The following DUSP28 variants were observed in gnomAD, a reference collection of about 807,000 sequenced individuals.
The protein encoded by DUSP28 is dual specificity phosphatase 28.
Under a neutral mutation model 8.4 loss-of-function variants are expected in DUSP28, and 11 were observed. The ratio of observed to expected loss-of-function variants is 1.31; its 90% CI spans 0.83 to 2.17. The LOEUF is 2.17. Ranked by LOEUF, DUSP28 falls within the 30% of genes most tolerant of loss-of-function variation. The pLI is 0.00. For missense variants in DUSP28, 373 were observed against 270.4 expected (o/e 1.38, Z -2.66); for synonymous variants, 178 against 130.9 (o/e 1.36, Z -2.46).
chr2:240,564,332 G>A lies in DUSP28; in HGVS notation c.*2865G>A, dbSNP rs887349609. Among the ~76,000 whole-genome samples, 2 of 152,162 alleles carry A rather than the reference G, an allele frequency of 1.3e-5. No homozygotes were observed. The highest frequency in any genetic ancestry group is 4.8e-5 in the African/African-American group (2 of 41,430). ...TGCCCTCTGAGGTCCATGGTCCCAC[G>A]GCACCACGGCCGCCCAGTGCACTCG... On this transcript the variant is annotated 3_prime_UTR_variant, in exon 2 of 2. Transcript: ENST00000405954.
In DUSP28 at chr2:240,560,486, G is replaced by A. The variant is rs1410944664; in HGVS notation, c.-199G>A. The A allele has an allele frequency of 1.5e-5, 12 of 777,018 alleles. No individual in the cohort carries two copies. In the African/African-American group the frequency reaches 2.2e-4, roughly 14 times the overall value. 48.1% of individuals were successfully genotyped at this position (777,018 alleles called of 1,614,324 possible). ...GGCCCAAACCTCCCGCCATGCCCCG[G>A]CCCCAACGAGACCCAAGCCCCCTGT... On this transcript the variant is annotated 5_prime_UTR_variant, in exon 1 of 2. Transcript: ENST00000405954.
At chr2:240,560,356 C>A (rs2092852946), upstream of DUSP28, 2 of 227,772 alleles carry the variant, frequency 8.8e-6, no homozygotes, top group Non-Finnish European at 1.7e-5. Context: ...GCCCAAGAGC[C>A]ACAGACGCAA....
chr2:240,561,318 T>C lies in DUSP28; in HGVS notation c.394-12T>C. 1 of 1,613,786 alleles carries C rather than the reference T, an allele frequency of 6.2e-7. No homozygotes were observed. Among genetic ancestry groups the C allele is most frequent in the Non-Finnish European group, 8.5e-7 (1 of 1,180,014 alleles). ...GCGACTTGGGGTTATTCAGTACACT[T>C]CTTGTTTGCAGATGGTGAAGAGCGC... On this transcript the variant is annotated splice_polypyrimidine_tract_variant and intron_variant, in intron 1 of 1. Transcript: ENST00000405954.
In DUSP28 at chr2:240,561,572, G is replaced by GTA; in HGVS notation, c.*106_*107insAT. The stretch of plus-strand genomic sequence containing the variant: ...TCATATCGAGTTTTCCTTTGTGTGT[G>GTA]TGTGTGTGAAACATAGTGCTTTTAA... On this transcript the variant is annotated 3_prime_UTR_variant, in exon 2 of 2. Transcript: ENST00000405954. The GTA allele has an allele frequency of 7.1e-7, 1 of 1,403,606 alleles. No homozygotes were observed. The highest frequency in any genetic ancestry group is 9.4e-7 in the Non-Finnish European group (1 of 1,063,320). 86.9% of individuals were successfully genotyped at this position (1,403,606 alleles called of 1,614,324 possible).
Position 240,563,910 on chromosome 2 carries a change from A to G in DUSP28, c.*2443A>G, listed in dbSNP as rs2092994486. The G allele has an allele frequency of 6.6e-6, 1 of 152,356 alleles. No individual in the cohort carries two copies. The highest frequency in any genetic ancestry group is 6.5e-5 in the Admixed American group (1 of 15,288). The allele number at this position is 152,356 out of a possible 1,614,324, so 9.4% of individuals were successfully genotyped here. On this transcript the variant is annotated 3_prime_UTR_variant, in exon 2 of 2. Transcript: ENST00000405954. The stretch of plus-strand genomic sequence containing the variant: ...CATTTATGATGTATATAACCTCTTT[A>G]ATGCCTGAAATCATAAGAATAATCA...
rs1429841156 is a variant in DUSP28, at chr2:240,561,539, C to T, written c.*72C>T. On this transcript the variant is annotated 3_prime_UTR_variant, in exon 2 of 2. Transcript: ENST00000405954. ...CAGAAGGCTGGTCTTTACCCTTCTT[C>T]CTCACTGTCATATCGAGTTTTCCTT... 6.6e-7 allele frequency: 1 copy of T among 1,513,520 alleles called. No homozygotes were observed. Among genetic ancestry groups the T allele is most frequent in the South Asian group, 1.2e-5 (1 of 80,880 alleles). The allele number at this position is 1,513,520 out of a possible 1,614,324, so 93.8% of individuals were successfully genotyped here. A position where few individuals can be genotyped will look rare whatever the true frequency, so the allele number is the denominator to read the frequency against.
chr2:240,561,503 C>G lies in DUSP28; in HGVS notation c.*36C>G. 4 of 1,588,490 alleles carry G rather than the reference C, an allele frequency of 2.5e-6. No homozygotes were observed. The highest frequency in any genetic ancestry group is 3.4e-6 in the Non-Finnish European group (4 of 1,167,554). On this transcript the variant is annotated 3_prime_UTR_variant, in exon 2 of 2. Coordinates refer to ENST00000405954, the MANE Select transcript of DUSP28 (RefSeq NM_001370465.2). ...CCTGCTGCCTGGAGGAAGGATGTCC[C>G]TGCACTGATACAGAAGGCTGGTCTT...
At position 240,561,754 on chromosome 2, in the gene DUSP28, C is replaced by T. The variant is rs533123950; in HGVS notation, c.*287C>T. The T allele has an allele frequency of 1.0e-5, 4 of 382,570 alleles. No homozygotes were observed. Among genetic ancestry groups the T allele is most frequent in the African/African-American group, 8.3e-5 (4 of 48,066 alleles). The allele number at this position is 382,570 out of a possible 1,614,324, so 23.7% of individuals were successfully genotyped here. ...GAGTGTTTGGGGGTGCCGGCGCATT[C>T]TACCAGTCTCAGGGAAGGACATGAG... On this transcript the variant is annotated 3_prime_UTR_variant, in exon 2 of 2. Transcript: ENST00000405954.
rs10933615 is a variant in DUSP28, at chr2:240,561,091, T to C, written c.393+14T>C. On this transcript the variant is annotated intron_variant, in intron 1 of 1. Transcript: ENST00000405954. ...AAGGCCTTCCAGGTGGGCGGGCCTT[T>C]AGGGGGGCGGTGTTTCGAGAGGGGC... The C allele has an allele frequency of 0.25, 372,557 of 1,468,014 alleles. 50,622 individuals carry two copies. The highest frequency in any genetic ancestry group is 0.39 in the Middle Eastern group (1,575 of 4,030). The allele number at this position is 1,468,014 out of a possible 1,614,324, so 90.9% of individuals were successfully genotyped here. A position where few individuals can be genotyped will look rare whatever the true frequency, so the allele number is the denominator to read the frequency against.
intron 1 of DUSP28, 124 bp from the exon 2 acceptor site, chr2:240,561,206 G>A: frequency 1.9e-6 from 3 of 1,539,490 alleles, no homozygotes; most frequent in Non-Finnish European, 2.6e-6. Context: ...TCGTGAGGGC[G>A]GGCTTAGGGA....
Position 240,565,214 on chromosome 2 carries a change from A to G in DUSP28, c.*3747A>G, listed in dbSNP as rs1203120711. 6.6e-6 allele frequency among the ~76,000 whole-genome samples: 1 copy of G among 151,652 alleles called. No homozygotes were observed. Among genetic ancestry groups the G allele is most frequent in the African/African-American group, 2.4e-5 (1 of 41,444 alleles). ...AATATATACAACTACGCGTATTTACATTCTGTATGCGTCAATGAGTAAAAT... is the reference window on the plus strand; with the variant it reads ...AATATATACAACTACGCGTATTTACGTTCTGTATGCGTCAATGAGTAAAAT... On this transcript the variant is annotated 3_prime_UTR_variant, in exon 2 of 2. Transcript: ENST00000405954.
chr2:240,561,259 G>C (rs935231089), intron 1 of DUSP28, 71 bp from the exon 2 acceptor site: 3 of 1,607,988 alleles, frequency 1.9e-6, no homozygotes, highest in African/African-American at 1.3e-5. Flanking sequence ...CACTCTTACA[G>C]CTGGGCCCGC....
rs2092937674 is a variant in DUSP28, at chr2:240,561,054, C to G, written c.370C>G (p.Leu124Val). 1 of 1,501,164 alleles carries G rather than the reference C, an allele frequency of 6.7e-7. No homozygotes were observed. Among genetic ancestry groups the G allele is most frequent in the African/African-American group, 1.4e-5 (1 of 71,520 alleles). The allele number at this position is 1,501,164 out of a possible 1,614,324, so 93.0% of individuals were successfully genotyped here. ...CGCGTACCTCATGCGGCACCGCGGCCTCAGCCTGGCGAAGGCCTTCCAGGT... is the reference window on the plus strand; with the variant it reads ...CGCGTACCTCATGCGGCACCGCGGCGTCAGCCTGGCGAAGGCCTTCCAGGT... ...CTAYLMRHRG[L>V]SLAKAFQMVK... The change falls in exon 1 of 2, where the codon CTC becomes GTC. Residue 124 changes from leucine (L) to valine (V), a missense_variant. Transcript: ENST00000405954.
rs1189324201 is a variant in DUSP28 at position 240,560,806 on chromosome 2, C to G, written c.122C>G (p.Ala41Gly). ...GCCGCGGGCGCGGAGGAGCAGCTGGCGCGCGCGGGAGTCACGCTGTGCGTC... is the reference window on the plus strand; with the variant it reads ...GCCGCGGGCGCGGAGGAGCAGCTGGGGCGCGCGGGAGTCACGCTGTGCGTC... ...ARAAGAEEQL[A>G]RAGVTLCVNV... is the part of the protein sequence containing the mutation. The change falls in exon 1 of 2, where the codon GCG (alanine) becomes GGG (glycine). Residue 41 changes from alanine to glycine, a missense_variant. By Grantham distance (60) the Ala-to-Gly change is moderately conservative. Coordinates refer to ENST00000405954, the MANE Select transcript of DUSP28 (RefSeq NM_001370465.2). The G allele has an allele frequency of 1.4e-6, 2 of 1,441,816 alleles. No individual in the cohort carries two copies. The highest frequency in any genetic ancestry group is 1.8e-6 in the Non-Finnish European group (2 of 1,105,502). The allele number at this position is 1,441,816 out of a possible 1,614,324, so 89.3% of individuals were successfully genotyped here. A position where few individuals can be genotyped will look rare whatever the true frequency, so the allele number is the denominator to read the frequency against.
At position 240,560,586 on chromosome 2, in the gene DUSP28, C is replaced by T. The variant is rs975852989; in HGVS notation, c.-99C>T. On this transcript the variant is annotated 5_prime_UTR_variant, in exon 1 of 2. Transcript: ENST00000405954. ...GAGGCCTCTAGGACCCGGGGGCGCCCGGCGGCCCGCCCGGCTCCCACAAAT... is the reference window on the plus strand; with the variant it reads ...GAGGCCTCTAGGACCCGGGGGCGCCTGGCGGCCCGCCCGGCTCCCACAAAT... The T allele has an allele frequency of 2.3e-6, 3 of 1,323,532 alleles. No individual in the cohort carries two copies. The highest frequency in any genetic ancestry group is 3.9e-5 in the South Asian group (2 of 51,256). 82.0% of individuals were successfully genotyped at this position (1,323,532 alleles called of 1,614,324 possible). A position where few individuals can be genotyped will look rare whatever the true frequency, so the allele number is the denominator to read the frequency against.
Position 240,560,787 on chromosome 2 carries a change from G to A in DUSP28, c.103G>A (p.Gly35Ser). Reference sequence around the variant, plus strand: ...CTTCCTCGGGAGCGCGCGAGCCGCGGGCGCGGAGGAGCAGCTGGCGCGCGC... The same window carrying A: ...CTTCCTCGGGAGCGCGCGAGCCGCGAGCGCGGAGGAGCAGCTGGCGCGCGC... Reference protein sequence around the residue: ...SLFLGSARAAGAEEQLARAGV... With the variant: ...SLFLGSARAASAEEQLARAGV... Residue 35 changes from glycine to serine, a missense_variant, in exon 1 of 2, where the codon GGC becomes AGC. By Grantham distance (56) the Gly-to-Ser change is moderately conservative (BLOSUM62 0). Transcript: ENST00000405954. The A allele has an allele frequency of 8.2e-6, 12 of 1,458,032 alleles. No homozygotes were observed. Among genetic ancestry groups the A allele is most frequent in the South Asian group, 1.3e-5 (1 of 74,896 alleles). The allele number at this position is 1,458,032 out of a possible 1,614,324, so 90.3% of individuals were successfully genotyped here. A position where few individuals can be genotyped will look rare whatever the true frequency, so the allele number is the denominator to read the frequency against.
Position 240,561,809 on chromosome 2 carries a change from A to G in DUSP28, c.*342A>G, listed in dbSNP as rs575083001. The G allele has an allele frequency of 5.1e-6, 1 of 196,132 alleles. No homozygotes were observed. Among genetic ancestry groups the G allele is most frequent in the East Asian group, 1.3e-4 (1 of 7,956 alleles). The allele number at this position is 196,132 out of a possible 1,614,324, so 12.1% of individuals were successfully genotyped here. The stretch of plus-strand genomic sequence containing the variant: ...GACTACAGTAATCAGAATCTGAGTC[A>G]TAGGTGAAATCAGGAAAAGCAACTC... On this transcript the variant is annotated 3_prime_UTR_variant, in exon 2 of 2. Transcript: ENST00000405954.
In DUSP28 at chr2:240,564,251, C is replaced by G. The variant is rs2092995499; in HGVS notation, c.*2784C>G. 6.6e-6 allele frequency among the ~76,000 whole-genome samples: 1 copy of G among 152,248 alleles called. No homozygotes were observed. The highest frequency in any genetic ancestry group is 6.5e-5 in the Admixed American group (1 of 15,288). On this transcript the variant is annotated 3_prime_UTR_variant, in exon 2 of 2. Coordinates refer to ENST00000405954, the MANE Select transcript of DUSP28 (RefSeq NM_001370465.2). Reference sequence around the variant, plus strand: ...ACTGCTTTCTTCACAAGAGAATCCTCCACCTCAGTGGCCCTGAAGTGGCCT... The same window carrying G: ...ACTGCTTTCTTCACAAGAGAATCCTGCACCTCAGTGGCCCTGAAGTGGCCT...
upstream of DUSP28, chr2:240,560,112 T>C (rs562667813): frequency 1.3e-5 from 2 of 152,542 alleles, no homozygotes; most frequent in South Asian, 2.1e-4. Flanking sequence ...CCATGTGTTA[T>C]AATACATAGA....
Sources: allele counts gnomAD v4.1 joint callset (sites outside exome capture counted in the v4.1 genomes callset), GRCh38; gene constraint gnomAD v4.1.1; transcripts MANE v1.5; gene names NCBI Gene and HGNC (gene_info 2026-07-23, HGNC 2026-07-21).